Variants in LRRC49 observed in about 807,000 individuals in gnomAD.
LRRC49 encodes the protein leucine rich repeat containing 49.
In LRRC49, 50 loss-of-function variants were observed where a neutral mutation model predicts 83.3. The observed-to-expected ratio is 0.60, with a 90% CI of 0.48 to 0.76. LRRC49 has a LOEUF of 0.76. Ranked by LOEUF, LRRC49 falls within the 30% of genes least tolerant of loss-of-function variation. The pLI is 0.00. For synonymous variants in LRRC49, 286 were observed against 283.3 expected (o/e 1.01, Z -0.10); for missense variants, 704 against 809.1 (o/e 0.87, Z 1.58).
At chr15:70,985,246 A>G (rs1180129959) in intron 11 of LRRC49, among the ~76,000 whole-genome samples, 3 of 150,838 alleles carry the variant, frequency 2.0e-5, no homozygotes, top group African/African-American at 4.9e-5. Flanking sequence ...CGTCCCACCA[A>G]CAGTGTAAAA....
chr15:70,964,750 C>T (rs1274779185), intron 9 of LRRC49, among the ~76,000 whole-genome samples: 1 of 152,148 alleles, frequency 6.6e-6, no homozygotes, highest in Admixed American at 6.5e-5. Context: ...TTAATAATCT[C>T]AGTTTGATAG....
chr15:70,977,055 C>T (rs1044297804), intron 9 of LRRC49, among the ~76,000 whole-genome samples: 4 of 152,090 alleles, frequency 2.6e-5, no homozygotes, highest in Non-Finnish European at 4.4e-5. Context: ...ATGTGTAGTA[C>T]GTGATCCATA....
At chr15:70,860,390 A>G (rs1250748609) in intron 1 of LRRC49, among the ~76,000 whole-genome samples, 1 of 152,134 alleles carries the variant, frequency 6.6e-6, no homozygotes, top group Non-Finnish European at 1.5e-5. Context: ...AGCCCTACCA[A>G]CTGTCAAACA....
upstream of LRRC49, among the ~76,000 whole-genome samples, chr15:70,888,420 G>A (rs1054237691): frequency 3.9e-5 from 6 of 152,292 alleles, no homozygotes; most frequent in East Asian, 1.9e-4. Flanking sequence ...AAGAAGAAAT[G>A]CTAGTAGTTT....
intron 15 of LRRC49, among the ~76,000 whole-genome samples, chr15:71,039,961 G>A (rs915192198): frequency 1.3e-5 from 2 of 152,186 alleles, no homozygotes; most frequent in Admixed American, 6.5e-5. Flanking sequence ...TGCCAGTATT[G>A]CATAGGAAAA....
At chr15:71,024,414 C>T (rs2039092124) in intron 14 of LRRC49, among the ~76,000 whole-genome samples, 2 of 152,126 alleles carry the variant, frequency 1.3e-5, no homozygotes, top group Admixed American at 1.3e-4. Context: ...AGCAGGCAGT[C>T]ATCTTTACTG....
chr15:70,874,845 C>A lies in LRRC49; in HGVS notation c.18+1622C>A, dbSNP rs76818376. Among the ~76,000 whole-genome samples, 91 of 152,322 alleles carry A rather than the reference C, an allele frequency of 6.0e-4. No individual in the cohort carries two copies. The East Asian group carries it at 0.017, about 28-fold the overall frequency. ...AAAAACATGATAGATCCCTATCATT[C>A]TTCAACAAATATTAACTGAACTACA... On this transcript the variant is annotated intron_variant, in intron 2 of 16. Coordinates refer to the LRRC49 transcript ENST00000544974.
intron 2 of LRRC49, among the ~76,000 whole-genome samples, chr15:70,883,882 C>T (rs1451480150): frequency 6.6e-6 from 1 of 152,050 alleles, no homozygotes; most frequent in Non-Finnish European, 1.5e-5. Flanking sequence ...TCTCAAACTC[C>T]TGGCCTCAAG....
chr15:70,978,835 T>C (rs2037299109), intron 9 of LRRC49, among the ~76,000 whole-genome samples: 1 of 152,154 alleles, frequency 6.6e-6, no homozygotes, highest in African/African-American at 2.4e-5. Context: ...CTAAAACATA[T>C]AGAAAACATT....
rs2040002235 is a variant in LRRC49 at position 71,052,088 on chromosome 15, C to T, written c.*2476C>T. Reference sequence around the variant, plus strand: ...TGAAGATAATCCCCAGATAAAAAGACAAGGAGACCTGGGTCTGCTGGGTTA... The same window carrying T: ...TGAAGATAATCCCCAGATAAAAAGATAAGGAGACCTGGGTCTGCTGGGTTA... On this transcript the variant is annotated 3_prime_UTR_variant, in exon 16 of 16. Coordinates refer to ENST00000260382, the MANE Select transcript of LRRC49 (RefSeq NM_017691.5). 1 of 152,166 alleles carries T rather than the reference C, an allele frequency of 6.6e-6. No individual in the cohort carries two copies. Among genetic ancestry groups the T allele is most frequent in the Non-Finnish European group, 1.5e-5 (1 of 68,056 alleles). 9.4% of individuals were successfully genotyped at this position (152,166 alleles called of 1,614,324 possible). A position where few individuals can be genotyped will look rare whatever the true frequency, so the allele number is the denominator to read the frequency against.
At chr15:70,970,854 G>C (rs1037963517) in intron 9 of LRRC49, among the ~76,000 whole-genome samples, 1 of 151,978 alleles carries the variant, frequency 6.6e-6, no homozygotes, top group African/African-American at 2.4e-5. Flanking sequence ...TTTTTATTGT[G>C]TATATTTGAT....
At chr15:70,945,679 A>G (rs557163192) in intron 8 of LRRC49, among the ~76,000 whole-genome samples, 1 of 152,028 alleles carries the variant, frequency 6.6e-6, no homozygotes, top group South Asian at 2.1e-4. Context: ...TTGCTCAGGA[A>G]GGAAAATAAT....
chr15:70,988,495 C>G (rs1478864825), intron 11 of LRRC49, among the ~76,000 whole-genome samples: 5 of 152,030 alleles, frequency 3.3e-5, no homozygotes, highest in Non-Finnish European at 4.4e-5. Context: ...CTTGGTAGAT[C>G]TTCCTCCATC....
At chr15:70,855,083 C>T (rs560060496) in intron 1 of LRRC49, among the ~76,000 whole-genome samples, 3 of 152,222 alleles carry the variant, frequency 2.0e-5, no homozygotes, top group African/African-American at 7.2e-5. Context: ...CCTGTAATCT[C>T]AGCACTTTGG....
chr15:70,948,307 C>A (rs757533781), intron 8 of LRRC49, among the ~76,000 whole-genome samples: 1 of 152,134 alleles, frequency 6.6e-6, no homozygotes, highest in Non-Finnish European at 1.5e-5. Flanking sequence ...CTGCCTAAGT[C>A]TAACTTTACT....
At chr15:70,874,185 A>G (rs1352442467) in intron 2 of LRRC49, among the ~76,000 whole-genome samples, 1 of 152,172 alleles carries the variant, frequency 6.6e-6, no homozygotes, top group Non-Finnish European at 1.5e-5. Context: ...GAAGTGTTCT[A>G]GATGTCTGGG....
intron 7 of LRRC49, among the ~76,000 whole-genome samples, chr15:70,927,871 CACCTGGGCTCAAGT>C (rs2035263328): frequency 6.6e-6 from 1 of 152,134 alleles, no homozygotes; most frequent in African/African-American, 2.4e-5. Context: ...TGGTCTCAAA[CACCTGGGCTCAAGT>C]GATCCTCCCA....
chr15:71,044,235 G>C (rs2039782861), intron 15 of LRRC49, among the ~76,000 whole-genome samples: 1 of 152,118 alleles, frequency 6.6e-6, no homozygotes, highest in Non-Finnish European at 1.5e-5. Context: ...AGGCCAGCTG[G>C]AACCATTTGT....
chr15:70,975,434 T>G (rs1157024754), intron 9 of LRRC49, among the ~76,000 whole-genome samples: 1 of 152,202 alleles, frequency 6.6e-6, no homozygotes, highest in Non-Finnish European at 1.5e-5. Flanking sequence ...GGCTCATGCC[T>G]GTAATCCTAG....
Sources: gnomAD v4.1 joint callset for allele counts (sites outside exome capture counted in the v4.1 genomes callset) on GRCh38, gnomAD v4.1.1 for gene constraint, MANE v1.5 for transcripts, NCBI Gene and HGNC (gene_info 2026-07-23, HGNC 2026-07-21) for gene names.